The following GRIK5 variants were observed in gnomAD, a reference collection of about 807,000 sequenced individuals.
GRIK5 encodes glutamate ionotropic receptor kainate type subunit 5.
GRIK5 carries 43 observed loss-of-function variants against 97.4 expected under a neutral mutation model. The ratio of observed to expected loss-of-function variants is 0.44; its 90% CI spans 0.35 to 0.57. The LOEUF (loss-of-function observed/expected upper bound fraction) is 0.57, where lower values mean the gene tolerates loss of function less well. Among genes scored for constraint, GRIK5 ranks in the 20% least tolerant of loss-of-function variants. GRIK5 has a pLI of 0.01. For synonymous variants in GRIK5, 580 were observed against 583.5 expected (o/e 0.99, Z 0.09); for missense variants, 1,015 against 1,382.0 (o/e 0.73, Z 4.21).
intron 12 of GRIK5, among the ~76,000 whole-genome samples, chr19:42,032,398 G>A (rs755618602): frequency 1.3e-5 from 2 of 152,278 alleles, no homozygotes; most frequent in East Asian, 1.9e-4. Context: ...ATAAATTGGC[G>A]AAGCCTTTTT....
Position 42,006,378 on chromosome 19 carries a change from A to T in GRIK5, c.2037+267T>A, listed in dbSNP as rs986217888. ...CTGTCAGCCCATATTCCTGGTCCCGACCCTTCCAGCAGCCTCCTTGATCCC... is the reference window on the plus strand; with the variant it reads ...CTGTCAGCCCATATTCCTGGTCCCGTCCCTTCCAGCAGCCTCCTTGATCCC... On this transcript the variant is annotated intron_variant, in intron 16 of 19. Transcript: ENST00000593562. The surrounding 1 kb of genome is among the most constrained non-coding windows in gnomAD (Gnocchi z 5.3). Among the ~76,000 whole-genome samples the T allele has an allele frequency of 2.0e-5, 3 of 151,834 alleles. No homozygotes were observed. Among genetic ancestry groups the T allele is most frequent in the Non-Finnish European group, 4.4e-5 (3 of 67,948 alleles).
Position 42,022,031 on chromosome 19 carries a change from A to T in GRIK5, c.1613T>A (p.Phe538Tyr). ...CACAGCAGGGGAGAAGGGGTCCAGG[A>T]AGGAGAAGTAGCCAGGCTTGCGGCC... ...HMGRKPGYFS[F>Y]LDPFSPAVWL... Residue 538 changes from phenylalanine (F) to tyrosine (Y), a missense_variant, in exon 14 of 20, where the codon TTC (phenylalanine) becomes TAC (tyrosine). Transcript: ENST00000593562. The surrounding 1 kb of genome is among the most constrained non-coding windows in gnomAD (Gnocchi z 4.2). The T allele has an allele frequency of 6.2e-7, 1 of 1,613,634 alleles. No homozygotes were observed. Among genetic ancestry groups the T allele is most frequent in the Admixed American group, 1.7e-5 (1 of 59,968 alleles).
intron 6 of GRIK5, among the ~76,000 whole-genome samples, chr19:42,058,266 C>T (rs913822557): frequency 1.3e-5 from 2 of 152,000 alleles, no homozygotes; most frequent in Non-Finnish European, 2.9e-5. Flanking sequence ...CTGCAAGCTC[C>T]ACCTCCCGGG....
intron 12 of GRIK5, among the ~76,000 whole-genome samples, chr19:42,034,349 C>T (rs568172296): frequency 3.3e-5 from 5 of 152,042 alleles, no homozygotes; most frequent in South Asian, 2.1e-4. Flanking sequence ...ACTCCAGCCT[C>T]GGTGACAGAG....
Position 42,065,555 on chromosome 19 carries a change from G to T in GRIK5, c.79+137C>A. ...GGGGTCTGGACTCCTGGGTCCTGGG[G>T]GAAGGAGGAACTGGAGGCTGGGATT... On this transcript the variant is annotated intron_variant, in intron 2 of 19. Transcript: ENST00000593562. The surrounding 1 kb of genome is among the most constrained non-coding windows in gnomAD (Gnocchi z 5.8). 1.0e-6 allele frequency: 1 copy of T among 979,562 alleles called. No homozygotes were observed. Among genetic ancestry groups the T allele is most frequent in the African/African-American group, 1.6e-5 (1 of 61,294 alleles). The allele number at this position is 979,562 out of a possible 1,614,324, so 60.7% of individuals were successfully genotyped here.
chr19:42,031,509 A>G (rs998450212), intron 12 of GRIK5, among the ~76,000 whole-genome samples: 1 of 152,188 alleles, frequency 6.6e-6, no homozygotes, highest in Non-Finnish European at 1.5e-5. Flanking sequence ...TGGCCCCATC[A>G]GGCCCCTTCT....
At chr19:42,069,140 C>CG (rs1438940817) in intron 1 of GRIK5, 101 bp downstream of exon 1, 8 of 405,452 alleles carry the variant, frequency 2.0e-5, no homozygotes, top group Non-Finnish European at 3.0e-5. Context: ...CTTGCCAGTC[C>CG]GGAGAACGGG....
rs529216690 is a variant in GRIK5 at position 42,002,107 on chromosome 19, C to T, written c.2514+1225G>A. 80 of 715,346 alleles carry T rather than the reference C, an allele frequency of 1.1e-4. No homozygotes were observed. The highest frequency in any genetic ancestry group is 9.6e-4 in the African/African-American group (55 of 57,230). 44.3% of individuals were successfully genotyped at this position (715,346 alleles called of 1,614,324 possible). ...ACCTCATATACATGAGGCCTGAGACCGGGAATTTCAGACATGGAAGTTGCT... is the reference window on the plus strand; with the variant it reads ...ACCTCATATACATGAGGCCTGAGACTGGGAATTTCAGACATGGAAGTTGCT... On this transcript the variant is annotated intron_variant, in intron 19 of 19. Transcript: ENST00000593562. The surrounding 1 kb of genome is among the most constrained non-coding windows in gnomAD (Gnocchi z 5.2).
chr19:42,058,723 G>A (rs1423590454), intron 6 of GRIK5, among the ~76,000 whole-genome samples: 3 of 150,294 alleles, frequency 2.0e-5, no homozygotes, highest in Non-Finnish European at 4.4e-5. Flanking sequence ...CTACTTGGGA[G>A]GCTGACACAG....
At chr19:42,054,868 G>A (rs991010433) in intron 8 of GRIK5, among the ~76,000 whole-genome samples, 2 of 152,156 alleles carry the variant, frequency 1.3e-5, no homozygotes, top group African/African-American at 2.4e-5. Flanking sequence ...GGGGCTGGAC[G>A]ACCATGCCCA....
At position 42,003,312 on chromosome 19, in the gene GRIK5, C is replaced by A; in HGVS notation, c.2514+20G>T. ...CTGGGGGTCCCTGTTCCTGCCCACC[C>A]CCACCCCCAGCCTCCTCACCTCCTC... On this transcript the variant is annotated intron_variant, in intron 19 of 19. Transcript: ENST00000593562. The surrounding 1 kb of genome is among the most constrained non-coding windows in gnomAD (Gnocchi z 4.2). 6.3e-7 allele frequency: 1 copy of A among 1,584,128 alleles called. No individual in the cohort carries two copies. The highest frequency in any genetic ancestry group is 8.7e-7 in the Non-Finnish European group (1 of 1,155,722).
At chr19:42,025,965 A>G (rs1447463967) in intron 12 of GRIK5, among the ~76,000 whole-genome samples, 1 of 152,116 alleles carries the variant, frequency 6.6e-6, no homozygotes, top group Non-Finnish European at 1.5e-5. Context: ...AAAATAAATA[A>G]ATAAATTCTG....
At chr19:42,015,971 T>C (rs2075619254) in intron 15 of GRIK5, among the ~76,000 whole-genome samples, 2 of 152,198 alleles carry the variant, frequency 1.3e-5, no homozygotes, top group Non-Finnish European at 2.9e-5. Flanking sequence ...GGGATGGGGA[T>C]GGAGTGAGGG....
At position 42,065,348 on chromosome 19, in the gene GRIK5, T is replaced by C; in HGVS notation, c.119A>G (p.Glu40Gly). Residue 40 changes from glutamate to glycine, a missense_variant, in exon 3 of 20, where the codon GAG becomes GGG. Transcript: ENST00000593562. This position sits in a 1 kb window ranked among gnomAD's most constrained non-coding sequence, Gnocchi z 5.8. ...LDDQTVCGRG[E>G]RLALALAREQ... Reference sequence around the variant, plus strand: ...CCGGGCCAAGGCCAAGGCCAGACGCTCACCGCGGCCACACACTGTCTGATC... The same window carrying C: ...CCGGGCCAAGGCCAAGGCCAGACGCCCACCGCGGCCACACACTGTCTGATC... 5 of 1,607,092 alleles carry C rather than the reference T, an allele frequency of 3.1e-6. No individual in the cohort carries two copies. The highest frequency in any genetic ancestry group is 4.2e-6 in the Non-Finnish European group (5 of 1,176,812).
intron 12 of GRIK5, among the ~76,000 whole-genome samples, chr19:42,030,700 G>A (rs1478283516): frequency 6.6e-6 from 1 of 151,910 alleles, no homozygotes; most frequent in Non-Finnish European, 1.5e-5. Context: ...CTGAGCTCAA[G>A]CAATCCTCCT....
Position 42,065,227 on chromosome 19 carries a change from G to T in GRIK5, c.240C>A (p.Asp80Glu). ...CGCCCCCATGGCCCCGCTCACTGGT[G>T]TCCGTGGTCTCGTACTGGCTGTCCC... is the stretch of plus-strand genomic sequence containing the variant. Reference protein sequence around the residue: ...LQRDSQYETTDTMCQILPKGV... With the variant: ...LQRDSQYETTETMCQILPKGV... The change falls in exon 3 of 20, where the codon GAC becomes GAA. Residue 80 changes from aspartate to glutamate, a missense_variant. Around this residue, in one of 5 missense-constraint regions of GRIK5, gnomAD observed 198 missense variants for 218.2 expected, o/e 0.91. Coordinates refer to ENST00000593562, the MANE Select transcript of GRIK5 (RefSeq NM_002088.5). This position sits in a 1 kb window ranked among gnomAD's most constrained non-coding sequence, Gnocchi z 5.8. 1.2e-6 allele frequency: 2 copies of T among 1,609,532 alleles called. No individual in the cohort carries two copies.
At position 42,069,474 on chromosome 19, in the gene GRIK5, A is replaced by C; in HGVS notation, c.-284T>G. 1 of 148,070 alleles carries C rather than the reference A, an allele frequency of 6.8e-6. No homozygotes were observed. The highest frequency in any genetic ancestry group is 2.5e-5 in the African/African-American group (1 of 40,292). The allele number at this position is 148,070 out of a possible 1,614,324, so 9.2% of individuals were successfully genotyped here. ...GGGCCGGGGAGGGGAGGAAGGGGAA[A>C]GGAGAAAATGGAGGAGAGAAGGGGA... On this transcript the variant is annotated 5_prime_UTR_variant, in exon 1 of 20. Transcript: ENST00000593562.
At chr19:42,063,111 G>A (rs1200643503) in intron 3 of GRIK5, among the ~76,000 whole-genome samples, 1 of 152,198 alleles carries the variant, frequency 6.6e-6, no homozygotes, top group Non-Finnish European at 1.5e-5. Flanking sequence ...AGGAAGGGAT[G>A]AAGAGAAAGA....
intron 5 of GRIK5, among the ~76,000 whole-genome samples, chr19:42,061,265 C>T (rs777946877): frequency 5.3e-5 from 8 of 152,178 alleles, no homozygotes; most frequent in South Asian, 4.1e-4. Flanking sequence ...AGGATGGTCT[C>T]GATCTCCTGA....
Sources: gnomAD v4.1 joint callset for allele counts (sites outside exome capture counted in the v4.1 genomes callset) on GRCh38, gnomAD v4.1.1 for gene constraint, gnomAD v4.1.1 regional missense constraint, Gnocchi (gnomAD v3.1) non-coding constraint, MANE v1.5 for transcripts, NCBI Gene and HGNC (gene_info 2026-07-23, HGNC 2026-07-21) for gene names.